Variants in ZBTB10 observed in about 807,000 individuals in gnomAD.
ZBTB10 encodes the protein zinc finger and BTB domain containing 10, also known as zinc finger and BTB domain-containing protein 10.
ZBTB10 carries 32 observed loss-of-function variants against 76.4 expected under a neutral mutation model. The ratio of observed to expected loss-of-function variants is 0.42; its 90% CI spans 0.32 to 0.56. The LOEUF (loss-of-function observed/expected upper bound fraction) is 0.56, where lower values mean the gene tolerates loss of function less well. Ranked by LOEUF, ZBTB10 falls within the 20% of genes least tolerant of loss-of-function variation. The pLI is 0.14. For synonymous variants in ZBTB10, 523 were observed against 432.9 expected, an observed-to-expected ratio of 1.21 and a Z score of -2.58; for missense variants, 1,057 against 1,098.5, an observed-to-expected ratio of 0.96 and a Z score of 0.53.
intron 1 of ZBTB10, among the ~76,000 whole-genome samples, chr8:80,497,371 GT>G (rs1815810120): frequency 6.7e-6 from 1 of 148,220 alleles, no homozygotes; most frequent in South Asian, 2.1e-4. Flanking sequence ...GAATGGACTT[GT>G]TTTGATTCCT....
intron 1 of ZBTB10, among the ~76,000 whole-genome samples, chr8:80,495,803 A>G (rs1048943837): frequency 2.0e-5 from 3 of 152,234 alleles, no homozygotes; most frequent in African/African-American, 7.2e-5. Flanking sequence ...TAAGGATTTT[A>G]ACTAACTGGA....
intron 2 of ZBTB10, 101 bp from the exon 3 acceptor site, chr8:80,513,808 GA>G (rs1445419313): frequency 2.1e-4 from 182 of 886,768 alleles, no homozygotes; most frequent in Admixed American, 4.5e-4. Context: ...ATTACTTACA[GA>G]TGGTACTTTT....
intron 2 of ZBTB10, among the ~76,000 whole-genome samples, chr8:80,507,105 C>T (rs976544406): frequency 8.0e-5 from 12 of 150,546 alleles, no homozygotes; most frequent in African/African-American, 2.7e-4. Context: ...GGCAAGAGAT[C>T]GAGATCATCC....
chr8:80,517,011 C>T (rs1394239306), intron 3 of ZBTB10, among the ~76,000 whole-genome samples: 2 of 151,886 alleles, frequency 1.3e-5, no homozygotes, highest in Non-Finnish European at 2.9e-5. Flanking sequence ...TTATTATGGA[C>T]GAGGAACAGA....
In ZBTB10 at chr8:80,486,645, C is replaced by G; in HGVS notation, c.-166C>G. 1.0e-6 allele frequency: 1 copy of G among 987,846 alleles called. No homozygotes were observed. The highest frequency in any genetic ancestry group is 1.2e-6 in the Non-Finnish European group (1 of 831,972). 61.2% of individuals were successfully genotyped at this position (987,846 alleles called of 1,614,324 possible). On this transcript the variant is annotated 5_prime_UTR_variant, in exon 1 of 6. Transcript: ENST00000455036. ...CGGACGCGTGCAGCAGACCCGGGAG[C>G]GAGCGCGAGCCGGGCTGCCGGGCGA...
At chr8:80,497,396 A>G (rs1480064779) in intron 1 of ZBTB10, among the ~76,000 whole-genome samples, 1 of 151,756 alleles carries the variant, frequency 6.6e-6, no homozygotes, top group Non-Finnish European at 1.5e-5. Flanking sequence ...TCCGTGACTT[A>G]ACAGTTTTTG....
At chr8:80,510,655 TG>T (rs1563464873) in intron 2 of ZBTB10, among the ~76,000 whole-genome samples, 2 of 151,434 alleles carry the variant, frequency 1.3e-5, no homozygotes, top group Non-Finnish European at 3.0e-5. Flanking sequence ...TGTGTGTGTG[TG>T]TGTGTGTGTG....
intron 1 of ZBTB10, among the ~76,000 whole-genome samples, 156 bp from the exon 2 acceptor site, chr8:80,499,338 G>C (rs765532627): frequency 6.6e-5 from 10 of 151,852 alleles, no homozygotes; most frequent in Admixed American, 2.6e-4. Flanking sequence ...TAATAGCAGT[G>C]GGTTGCACCA....
chr8:80,503,815 C>G (rs1250856598), intron 2 of ZBTB10, among the ~76,000 whole-genome samples: 1 of 152,194 alleles, frequency 6.6e-6, no homozygotes, highest in Non-Finnish European at 1.5e-5. Context: ...TGAGCCACTG[C>G]GCTCTGCCTG....
rs1816481274 is a variant in ZBTB10, at chr8:80,523,075, CATG to C, written c.*3550_*3552del. On this transcript the variant is annotated 3_prime_UTR_variant, in exon 6 of 6. Transcript: ENST00000455036. Reference sequence around the variant, plus strand: ...CCCACACTTGCCGTTGTGCTGTATACATGATTTTACCTTAATCCTCTATAAGGT... The same window carrying C: ...CCCACACTTGCCGTTGTGCTGTATACATTTTACCTTAATCCTCTATAAGGT... 6.6e-6 allele frequency: 1 copy of C among 151,524 alleles called. No homozygotes were observed. Among genetic ancestry groups the C allele is most frequent in the African/African-American group, 2.4e-5 (1 of 41,288 alleles). The allele number at this position is 151,524 out of a possible 1,614,324, so 9.4% of individuals were successfully genotyped here.
At position 80,523,876 on chromosome 8, in the gene ZBTB10, T is replaced by C. The variant is rs1378547025; in HGVS notation, c.*4348T>C. 1.3e-5 allele frequency: 2 copies of C among 152,010 alleles called. No homozygotes were observed. The highest frequency in any genetic ancestry group is 2.9e-5 in the Non-Finnish European group (2 of 67,902). The allele number at this position is 152,010 out of a possible 1,614,324, so 9.4% of individuals were successfully genotyped here. On this transcript the variant is annotated 3_prime_UTR_variant, in exon 6 of 6. Transcript: ENST00000455036. ...CAAAAGAACACTTCCGCCTGCTGTT[T>C]GTAAAAGCTCTTTGGGAAGATCTTT...
At chr8:80,517,579 G>T (rs1380989725) in intron 3 of ZBTB10, among the ~76,000 whole-genome samples, 1 of 152,054 alleles carries the variant, frequency 6.6e-6, no homozygotes, top group Admixed American at 6.5e-5. Context: ...CTGAAACAAG[G>T]ATCTAGTAAT....
chr8:80,514,164 G>A (rs564003665), intron 3 of ZBTB10, among the ~76,000 whole-genome samples, 156 bp downstream of exon 3: 28 of 152,256 alleles, frequency 1.8e-4, no homozygotes, highest in African/African-American at 6.3e-4. Flanking sequence ...TGGAAAATTG[G>A]TAAATGCAAA....
In ZBTB10 at chr8:80,522,553, TAAA is replaced by T. The variant is rs898167606; in HGVS notation, c.*3029_*3031del. On this transcript the variant is annotated 3_prime_UTR_variant, in exon 6 of 6. Transcript: ENST00000455036. ...TTTAGCACACTAGCAATTAAGAGTT[TAAA>T]AAAGAAGAAACGTTATAGGAAAGGG... is the stretch of plus-strand genomic sequence containing the variant. The T allele has an allele frequency of 1.3e-5, 2 of 151,856 alleles. No homozygotes were observed. The highest frequency in any genetic ancestry group is 2.9e-5 in the Non-Finnish European group (2 of 67,808). The allele number at this position is 151,856 out of a possible 1,614,324, so 9.4% of individuals were successfully genotyped here.
At chr8:80,506,695 G>A (rs976862991) in intron 2 of ZBTB10, among the ~76,000 whole-genome samples, 1 of 152,012 alleles carries the variant, frequency 6.6e-6, no homozygotes, top group African/African-American at 2.4e-5. Flanking sequence ...TTTCATTATA[G>A]GGTGCTACTC....
chr8:80,523,378 T>C lies in ZBTB10; in HGVS notation c.*3850T>C, dbSNP rs1313215998. 6 of 152,034 alleles carry C rather than the reference T, an allele frequency of 3.9e-5. No individual in the cohort carries two copies. The highest frequency in any genetic ancestry group is 8.8e-5 in the Non-Finnish European group (6 of 67,904). 9.4% of individuals were successfully genotyped at this position (152,034 alleles called of 1,614,324 possible). A position where few individuals can be genotyped will look rare whatever the true frequency, so the allele number is the denominator to read the frequency against. On this transcript the variant is annotated 3_prime_UTR_variant, in exon 6 of 6. Coordinates refer to ENST00000455036, the MANE Select transcript of ZBTB10 (RefSeq NM_001105539.3). Reference sequence around the variant, plus strand: ...CCCAATAAATTTCCTTACTACTCTTTCTTCATAAAGCAGTTGTTTTGTCAC... The same window carrying C: ...CCCAATAAATTTCCTTACTACTCTTCCTTCATAAAGCAGTTGTTTTGTCAC...
chr8:80,513,809 A>T, intron 2 of ZBTB10, 101 bp from the exon 3 acceptor site: 1 of 890,596 alleles, frequency 1.1e-6, no homozygotes, highest in South Asian at 1.5e-5. Context: ...TTACTTACAG[A>T]TGGTACTTTT....
rs559516817 is a variant in ZBTB10 at position 80,486,409 on chromosome 8, T to C, written c.-402T>C. 1.6e-5 allele frequency: 16 copies of C among 980,120 alleles called. No individual in the cohort carries two copies. Among genetic ancestry groups the C allele is most frequent in the African/African-American group, 1.8e-5 (1 of 55,100 alleles). 60.7% of individuals were successfully genotyped at this position (980,120 alleles called of 1,614,324 possible). On this transcript the variant is annotated 5_prime_UTR_variant, in exon 1 of 6. Coordinates refer to ENST00000455036, the MANE Select transcript of ZBTB10 (RefSeq NM_001105539.3). ...GAAGGATATCTGTGTGGAGGATCGG[T>C]GTGTGCGCGCGCGGCTTTAAAGAGG...
chr8:80,505,773 C>G (rs1434690478), intron 2 of ZBTB10, among the ~76,000 whole-genome samples: 1 of 152,022 alleles, frequency 6.6e-6, no homozygotes, highest in African/African-American at 2.4e-5. Flanking sequence ...CTCTGTCACC[C>G]AGGCGGAGTG....
Sources: allele counts gnomAD v4.1 joint callset (sites outside exome capture counted in the v4.1 genomes callset), GRCh38; gene constraint gnomAD v4.1.1; transcripts MANE v1.5; gene names NCBI Gene and HGNC (gene_info 2026-07-23, HGNC 2026-07-21).